Variants in ATP11A observed in about 807,000 individuals in gnomAD.
ATP11A encodes the protein phospholipid-transporting ATPase IH.
ATP11A carries 81 observed loss-of-function variants against 154.4 expected under a neutral mutation model. That is an observed-to-expected ratio of 0.52 (90% CI 0.44 to 0.63). ATP11A has a LOEUF of 0.63. ATP11A is among the 30% of genes least tolerant of loss of function. The pLI is 0.00. For synonymous variants in ATP11A, 623 were observed against 585.9 expected, an observed-to-expected ratio of 1.06 and a Z score of -0.91; for missense variants, 1,316 against 1,474.3, an observed-to-expected ratio of 0.89 and a Z score of 1.76.
At position 112,823,518 on chromosome 13, in the gene ATP11A, C is replaced by T; in HGVS notation, c.790+109C>T. The T allele has an allele frequency of 1.5e-5, 13 of 863,074 alleles. 2 individuals are homozygous for T. In the South Asian group the frequency reaches 2.2e-4, roughly 15 times the overall value. 53.5% of individuals were successfully genotyped at this position (863,074 alleles called of 1,614,324 possible). ...GAGCGTTTCTTGGCACCTTGAGGTG[C>T]TGGAGGCTTTCTGGCCGCGCAAGTT... On this transcript the variant is annotated intron_variant, in intron 9 of 29. Transcript: ENST00000375645.
At chr13:112,691,319 C>T (rs573222542) in intron 1 of ATP11A, among the ~76,000 whole-genome samples, 2 of 152,056 alleles carry the variant, frequency 1.3e-5, no homozygotes, top group African/African-American at 4.8e-5. Context: ...CGAAAATTAG[C>T]CGGGCGTGGT....
chr13:112,691,463 C>CAAA lies in ATP11A; in HGVS notation c.39+1024_39+1026dup, dbSNP rs34506401. Among the ~76,000 whole-genome samples the CAAA allele has an allele frequency of 5.8e-4, 49 of 84,350 alleles. No individual in the cohort carries two copies. The East Asian group carries it at 0.015, about 26-fold the overall frequency. 55.3% of individuals were successfully genotyped at this position (84,350 alleles called of 152,430 possible). On this transcript the variant is annotated intron_variant, in intron 1 of 29. Transcript: ENST00000375645. ...TGGGTGACAGAGCGAGACTCTGTAT[C>CAAA]AAAAAAAAAAAAAAAAAAGGGTGTG...
chr13:112,837,084 C>T (rs2079257640), intron 16 of ATP11A, among the ~76,000 whole-genome samples: 1 of 152,356 alleles, frequency 6.6e-6, no homozygotes, highest in Non-Finnish European at 1.5e-5. Flanking sequence ...GAGGCTTGAA[C>T]GTGCAGGCGC....
At position 112,858,094 on chromosome 13, in the gene ATP11A, T is replaced by A. The variant is rs758172122; in HGVS notation, c.2522-51T>A. On this transcript the variant is annotated intron_variant, in intron 21 of 29. Coordinates refer to ENST00000375645, the MANE Select transcript of ATP11A (RefSeq NM_015205.3). ...CGTTCTTCTCCCCGTCCCTGCCCTG[T>A]GTGTGGTGTGCAGAAAGCATTTCTT... 34 of 1,599,788 alleles carry A rather than the reference T, an allele frequency of 2.1e-5. No homozygotes were observed. The South Asian group carries it at 3.8e-4, about 18-fold the overall frequency.
intron 1 of ATP11A, among the ~76,000 whole-genome samples, chr13:112,728,546 C>G (rs1265473035): frequency 1.3e-5 from 2 of 150,762 alleles, no homozygotes; most frequent in African/African-American, 4.9e-5. Flanking sequence ...GACTGTGTGG[C>G]CCGCCTCCCT....
At chr13:112,862,092 C>T (rs142158389) in intron 24 of ATP11A, among the ~76,000 whole-genome samples, 5 of 152,344 alleles carry the variant, frequency 3.3e-5, no homozygotes, top group African/African-American at 9.6e-5. Context: ...TCACGTCAGG[C>T]GTAAGGTGTC....
intron 25 of ATP11A, among the ~76,000 whole-genome samples, chr13:112,865,087 A>C (rs1594219519): frequency 8.3e-6 from 1 of 120,500 alleles, no homozygotes; most frequent in Non-Finnish European, 1.7e-5. Flanking sequence ...CCACATGGGC[A>C]GTAATTCAGT....
chr13:112,756,674 C>A (rs1026216321), intron 1 of ATP11A, among the ~76,000 whole-genome samples: 2 of 152,140 alleles, frequency 1.3e-5, no homozygotes, highest in African/African-American at 4.8e-5. Flanking sequence ...TGCTTCTTGG[C>A]TGGTGGCTGA....
rs143014855 is a variant in ATP11A, at chr13:112,875,815, C to A, written c.3201C>A (p.Ile1067=). The change falls in exon 28 of 30, where the codon ATC becomes ATA. Residue 1067 remains isoleucine, a synonymous_variant. Coordinates refer to ENST00000375645, the MANE Select transcript of ATP11A (RefSeq NM_015205.3). The surrounding 1 kb of genome is among the most constrained non-coding windows in gnomAD (Gnocchi z 4.1). ...LNYQRMYYVF[I]QMLSSGPAWL... ...ACCAGAGGATGTACTACGTGTTCAT[C>A]CAGATGCTGTCCAGCGGGCCCGCCT... is the stretch of plus-strand genomic sequence containing the variant. 1.2e-6 allele frequency: 2 copies of A among 1,614,026 alleles called. No homozygotes were observed. The highest frequency in any genetic ancestry group is 4.5e-5 in the East Asian group (2 of 44,874).
rs1415845211 is a variant in ATP11A, at chr13:112,819,322, G to A, written c.589G>A (p.Asp197Asn). 1.2e-6 allele frequency: 2 copies of A among 1,614,222 alleles called. No individual in the cohort carries two copies. The highest frequency in any genetic ancestry group is 1.7e-6 in the Non-Finnish European group (2 of 1,180,050). Reference sequence around the variant, plus strand: ...TTTGTAGACGCATTACGCGGTCCAGGACACCAAAGGCTTCCACACAGAGGA... The same window carrying A: ...TTTGTAGACGCATTACGCGGTCCAGAACACCAAAGGCTTCCACACAGAGGA... Reference protein sequence around the residue: ...SSHKTHYAVQDTKGFHTEEDI... With the variant: ...SSHKTHYAVQNTKGFHTEEDI... Residue 197 changes from aspartate to asparagine, a missense_variant, in exon 7 of 30, where the codon GAC (aspartate) becomes AAC (asparagine). Coordinates refer to ENST00000375645, the MANE Select transcript of ATP11A (RefSeq NM_015205.3).
intron 1 of ATP11A, among the ~76,000 whole-genome samples, chr13:112,734,351 C>G (rs1344529096): frequency 6.6e-6 from 1 of 152,118 alleles, no homozygotes; most frequent in African/African-American, 2.4e-5. Flanking sequence ...GGTTAAGAAA[C>G]CGTTGCAAGC....
In ATP11A at chr13:112,886,532, C is replaced by T. The variant is rs1298205710; in HGVS notation, c.*4666C>T. The T allele has an allele frequency of 2.0e-5, 3 of 152,078 alleles. No homozygotes were observed. Among genetic ancestry groups the T allele is most frequent in the African/African-American group, 7.3e-5 (3 of 41,328 alleles). The allele number at this position is 152,078 out of a possible 1,614,324, so 9.4% of individuals were successfully genotyped here. ...CAGGAAAAATATCAGTTGGCAAATGCAATCTTTTTTTTTTTTAAGCTAAAG... is the reference window on the plus strand; with the variant it reads ...CAGGAAAAATATCAGTTGGCAAATGTAATCTTTTTTTTTTTTAAGCTAAAG... On this transcript the variant is annotated 3_prime_UTR_variant, in exon 30 of 30. Transcript: ENST00000375645.
chr13:112,862,311 T>G, intron 24 of ATP11A, 129 bp from the exon 25 acceptor site: 6 of 1,128,306 alleles, frequency 5.3e-6, no homozygotes, highest in Non-Finnish European at 7.5e-6. Context: ...GAGCACAAAC[T>G]TGATGTTTAC....
intron 1 of ATP11A, among the ~76,000 whole-genome samples, chr13:112,731,564 G>T (rs77784107): frequency 6.6e-6 from 1 of 152,188 alleles, no homozygotes; most frequent in Non-Finnish European, 1.5e-5. Context: ...GACGATGTAA[G>T]TGAAAATTCA....
At chr13:112,706,508 G>C (rs1481020072) in intron 1 of ATP11A, among the ~76,000 whole-genome samples, 1 of 152,220 alleles carries the variant, frequency 6.6e-6, no homozygotes, top group Non-Finnish European at 1.5e-5. Context: ...TCTTCCAGGA[G>C]CTCGGTTCTG....
At position 112,697,898 on chromosome 13, in the gene ATP11A, G is replaced by A. The variant is rs899409545; in HGVS notation, c.39+7443G>A. ...CCTGAAACTACTTTCATTTTAAAACGATGAGTTCCTAAGAACTAGACTCTG... is the reference window on the plus strand; with the variant it reads ...CCTGAAACTACTTTCATTTTAAAACAATGAGTTCCTAAGAACTAGACTCTG... On this transcript the variant is annotated intron_variant, in intron 1 of 29. Transcript: ENST00000375645. The surrounding 1 kb of genome is among the most constrained non-coding windows in gnomAD (Gnocchi z 4.0). Among the ~76,000 whole-genome samples, 8 of 152,058 alleles carry A rather than the reference G, an allele frequency of 5.3e-5. No homozygotes were observed. Among genetic ancestry groups the A allele is most frequent in the African/African-American group, 1.9e-4 (8 of 41,390 alleles).
rs765675762 is a variant in ATP11A, at chr13:112,856,044, G to A, written c.2377G>A (p.Ala793Thr). 2.6e-5 allele frequency: 42 copies of A among 1,613,832 alleles called. No individual in the cohort carries two copies. Among genetic ancestry groups the A allele is most frequent in the Middle Eastern group, 1.7e-4 (1 of 5,910 alleles). The change falls in exon 20 of 30, where the codon GCG becomes ACG. Residue 793 changes from alanine (A) to threonine (T), a missense_variant. Ala to Thr is a moderately conservative substitution (Grantham distance 58, BLOSUM62 0). Around this residue, in one of 5 missense-constraint regions of ATP11A, gnomAD observed 876 missense variants for 1,006.8 expected, o/e 0.87. Coordinates refer to ENST00000375645, the MANE Select transcript of ATP11A (RefSeq NM_015205.3). ...CCTGGAAATCTGCCGGAGCTGCAGC[G>A]CGGTGCTCTGCTGCCGCATGGCGCC... ...LFLEICRSCSAVLCCRMAPLQ... is the reference protein window; with the variant it reads ...LFLEICRSCSTVLCCRMAPLQ...
At chr13:112,835,614 C>T (rs1321195895) in intron 15 of ATP11A, among the ~76,000 whole-genome samples, 1 of 152,192 alleles carries the variant, frequency 6.6e-6, no homozygotes, top group Non-Finnish European at 1.5e-5. Flanking sequence ...GCTGGCACTG[C>T]GGCCAGAGCC....
At chr13:112,824,808 C>T (rs1407072574) in intron 10 of ATP11A, among the ~76,000 whole-genome samples, 6 of 152,154 alleles carry the variant, frequency 3.9e-5, no homozygotes, top group Non-Finnish European at 7.3e-5. Flanking sequence ...CAAAGGAAAG[C>T]GTTAGCAGAG....
Sources: allele counts gnomAD v4.1 joint callset (sites outside exome capture counted in the v4.1 genomes callset), GRCh38; gene constraint gnomAD v4.1.1; regional missense constraint gnomAD v4.1.1; non-coding constraint Gnocchi (gnomAD v3.1); transcripts MANE v1.5; gene names NCBI Gene and HGNC (gene_info 2026-07-23, HGNC 2026-07-21).